RASSF8: variants seen among roughly 807,000 people sequenced by gnomAD.
The protein encoded by RASSF8 is ras association domain-containing protein 8.
Under a neutral mutation model 48.5 loss-of-function variants are expected in RASSF8, and 22 were observed. The observed-to-expected ratio is 0.45, with a 90% CI of 0.32 to 0.65. RASSF8 has a LOEUF of 0.65. Ranked by LOEUF, RASSF8 falls within the 30% of genes least tolerant of loss-of-function variation. The pLI, the probability that RASSF8 is intolerant of heterozygous loss-of-function variation, is 0.03. For missense variants in RASSF8, 418 were observed against 489.2 expected (o/e 0.85, Z 1.37); for synonymous variants, 127 against 171.5 (o/e 0.74, Z 2.03).
chr12:26,012,634 G>T (rs1942553939), intron 2 of RASSF8, among the ~76,000 whole-genome samples: 1 of 150,828 alleles, frequency 6.6e-6, no homozygotes, highest in African/African-American at 2.4e-5. Context: ...TTAGTATCCA[G>T]ATTTGTTTTT....
chr12:26,021,445 A>G (rs188937305), intron 2 of RASSF8: 22 of 152,388 alleles, frequency 1.4e-4, no homozygotes, highest in African/African-American at 5.3e-4. Flanking sequence ...AGGGGAAACC[A>G]TATTTCACTG....
At chr12:26,075,298 C>T (rs545779491), downstream of RASSF8, among the ~76,000 whole-genome samples, 226 of 152,246 alleles carry the variant, frequency 1.5e-3, no homozygotes, top group Non-Finnish European at 1.9e-3. Context: ...GTTCTTTGTG[C>T]TGTTGGGCAA....
intron 2 of RASSF8, among the ~76,000 whole-genome samples, chr12:26,020,955 C>A (rs557017297): frequency 6.6e-6 from 1 of 152,260 alleles, no homozygotes; most frequent in East Asian, 1.9e-4. Flanking sequence ...GCACTCAGGG[C>A]AATGTCTAGC....
rs1943828437 is a variant in RASSF8, at chr12:26,064,746, A to C, written c.352A>C (p.Lys118Gln). 1.2e-6 allele frequency: 2 copies of C among 1,614,066 alleles called. No individual in the cohort carries two copies. The highest frequency in any genetic ancestry group is 1.7e-5 in the Admixed American group (1 of 59,998). Residue 118 changes from lysine to glutamine, a missense_variant, in exon 4 of 6, where the codon AAA becomes CAA. By Grantham distance (53) the Lys-to-Gln change is moderately conservative (BLOSUM62 1). Coordinates refer to ENST00000689635, the MANE Select transcript of RASSF8 (RefSeq NM_001394098.1). ...PLAKLRPQIDKSIKRREPKRK... is the reference protein window; with the variant it reads ...PLAKLRPQIDQSIKRREPKRK... ...AGCTAAACTGAGGCCTCAGATTGAC[A>C]AATCAATCAAAAGGAGGGAACCGAA...
chr12:26,057,707 T>A (rs923356297), intron 3 of RASSF8, among the ~76,000 whole-genome samples: 2 of 152,230 alleles, frequency 1.3e-5, no homozygotes, highest in Non-Finnish European at 2.9e-5. Context: ...CGCCACACTG[T>A]CTTCCACAAT....
At chr12:25,997,380 CAT>C (rs772032995) in intron 2 of RASSF8, among the ~76,000 whole-genome samples, 1 of 152,054 alleles carries the variant, frequency 6.6e-6, no homozygotes, top group Non-Finnish European at 1.5e-5. Flanking sequence ...TGGAATGAAA[CAT>C]ATGGCAGTAA....
Position 26,072,236 on chromosome 12 carries a change from T to C in RASSF8, c.*3418T>C. The C allele has an allele frequency of 1.0e-6, 1 of 972,436 alleles. No individual in the cohort carries two copies. Among genetic ancestry groups the C allele is most frequent in the Non-Finnish European group, 1.2e-6 (1 of 818,150 alleles). 60.2% of individuals were successfully genotyped at this position (972,436 alleles called of 1,614,324 possible). ...GCTTATAATTATTACTTTTGTATTG[T>C]GTTCAGTTTTTTAAGTTGCATGTTT... On this transcript the variant is annotated 3_prime_UTR_variant, in exon 6 of 6. Transcript: ENST00000689635.
intron 5 of RASSF8, among the ~76,000 whole-genome samples, chr12:26,078,761 TG>T: frequency 6.6e-6 from 1 of 152,196 alleles, no homozygotes; most frequent in East Asian, 1.9e-4. Flanking sequence ...TGCCTTCTTT[TG>T]CTACATATCC....
intron 1 of RASSF8, among the ~76,000 whole-genome samples, chr12:25,978,776 G>A (rs571937579): frequency 7.3e-5 from 11 of 151,708 alleles, no homozygotes; most frequent in African/African-American, 2.7e-4. Context: ...CTATTTCCCT[G>A]CCTCTCCAGC....
exon 6 of RASSF8, chr12:26,079,719 A>G (rs1425668134): frequency 6.6e-6 from 1 of 152,176 alleles, no homozygotes; most frequent in African/African-American, 2.4e-5. Context: ...ACCACCTCAC[A>G]CCTGTTAGGT....
At chr12:26,072,946 G>A (rs1591825813), downstream of RASSF8, 1 of 518,334 alleles carries the variant, frequency 1.9e-6, no homozygotes, top group Non-Finnish European at 2.5e-6. Flanking sequence ...ATACCAAAGA[G>A]AATAGTGGCA....
chr12:26,001,186 C>T (rs571189139), intron 2 of RASSF8, among the ~76,000 whole-genome samples: 15 of 142,544 alleles, frequency 1.1e-4, no homozygotes, highest in East Asian at 2.0e-4. Context: ...CCATCATACC[C>T]GGCTAATTTT....
chr12:25,965,846 A>G (rs1209224396), intron 1 of RASSF8, among the ~76,000 whole-genome samples: 1 of 152,132 alleles, frequency 6.6e-6, no homozygotes, highest in Non-Finnish European at 1.5e-5. Flanking sequence ...AGATTCATTC[A>G]TGTTGATTTA....
chr12:26,064,447 T>TA (rs1448953009), intron 3 of RASSF8, 51 bp from the exon 4 acceptor site: 1 of 1,440,546 alleles, frequency 6.9e-7, no homozygotes, highest in East Asian at 2.3e-5. Flanking sequence ...CTCCATTTTT[T>TA]AACTATTACA....
intron 3 of RASSF8, among the ~76,000 whole-genome samples, chr12:26,060,879 A>G (rs1008139845): frequency 3.9e-5 from 6 of 152,218 alleles, no homozygotes; most frequent in African/African-American, 1.4e-4. Context: ...ATATGTTAGC[A>G]TTAAATTCAT....
intron 2 of RASSF8, among the ~76,000 whole-genome samples, chr12:26,012,369 C>G (rs1942546696): frequency 6.6e-6 from 1 of 152,186 alleles, no homozygotes; most frequent in Admixed American, 6.5e-5. Flanking sequence ...ACCAAATCTC[C>G]TCTTTTTCCT....
At chr12:26,078,436 G>T (rs751883001) in intron 5 of RASSF8, among the ~76,000 whole-genome samples, 2 of 152,196 alleles carry the variant, frequency 1.3e-5, no homozygotes, top group Non-Finnish European at 2.9e-5. Flanking sequence ...AGTGAGAGAG[G>T]TCTGAGAAGC....
Position 26,064,543 on chromosome 12 carries a change from A to T in RASSF8, c.149A>T (p.Glu50Val). 3.1e-6 allele frequency: 5 copies of T among 1,608,394 alleles called. No individual in the cohort carries two copies. The highest frequency in any genetic ancestry group is 4.2e-6 in the Non-Finnish European group (5 of 1,176,816). The part of the protein sequence containing the change: ...YTLIEKWRDT[E>V]RHLAPHENPI... The stretch of plus-strand genomic sequence containing the variant: ...CTTATAGAGAAATGGAGAGATACTG[A>T]AAGACACTTAGCACCTCATGAAAAT... The change falls in exon 4 of 6, where the codon GAA becomes GTA. Residue 50 changes from glutamate to valine, a missense_variant. Physicochemically the swap from Glu to Val is moderately radical, Grantham distance 121. Transcript: ENST00000689635.
At chr12:25,965,426 C>T (rs1279485748) in intron 1 of RASSF8, among the ~76,000 whole-genome samples, 1 of 141,996 alleles carries the variant, frequency 7.0e-6, no homozygotes, top group Non-Finnish European at 1.5e-5. Context: ...AGTACAGTGG[C>T]ATGATCTTGG....
Sources: allele counts gnomAD v4.1 joint callset (sites outside exome capture counted in the v4.1 genomes callset), GRCh38; gene constraint gnomAD v4.1.1; transcripts MANE v1.5; gene names NCBI Gene and HGNC (gene_info 2026-07-23, HGNC 2026-07-21).